C3orf70: variants seen among roughly 807,000 people sequenced by gnomAD.
The protein encoded by C3orf70 is chromosome 3 open reading frame 70, also known as UPF0524 protein C3orf70.
In C3orf70, 15 loss-of-function variants were observed where a neutral mutation model predicts 20.7. The ratio of observed to expected loss-of-function variants is 0.72; its 90% CI spans 0.48 to 1.11. C3orf70 has a LOEUF of 1.11. Ranked by LOEUF, C3orf70 falls within the 50% of genes most tolerant of loss-of-function variation. The pLI is 0.00. For missense variants in C3orf70, 332 were observed against 317.6 expected, an observed-to-expected ratio of 1.05 and a Z score of -0.34; for synonymous variants, 161 against 125.7, an observed-to-expected ratio of 1.28 and a Z score of -1.88.
intron 1 of C3orf70, among the ~76,000 whole-genome samples, chr3:185,100,755 G>A (rs1450573118): frequency 1.3e-5 from 2 of 150,014 alleles, no homozygotes; most frequent in Non-Finnish European, 2.9e-5. Flanking sequence ...TCCTGGAGTT[G>A]GTTTTTTGAA....
In C3orf70 at chr3:185,077,418, G is replaced by A. The variant is rs1577313236; in HGVS notation, c.*5589C>T. 6.6e-6 allele frequency among the ~76,000 whole-genome samples: 1 copy of A among 152,310 alleles called. No individual in the cohort carries two copies. Among genetic ancestry groups the A allele is most frequent in the East Asian group, 1.9e-4 (1 of 5,190 alleles). ...GAGCTCTTTTCCTGATCTGTGAAAT[G>A]GGGCTGCTTTAATCTCCCTCACAGG... On this transcript the variant is annotated 3_prime_UTR_variant, in exon 2 of 2. Transcript: ENST00000335012.
At chr3:185,102,914 A>G (rs1715850357) in intron 1 of C3orf70, among the ~76,000 whole-genome samples, 1 of 152,202 alleles carries the variant, frequency 6.6e-6, no homozygotes, top group Non-Finnish European at 1.5e-5. Flanking sequence ...CAAGATAGAT[A>G]AAAGACTTAA....
intron 1 of C3orf70, among the ~76,000 whole-genome samples, chr3:185,120,033 A>AAAAAAAAAAAAAAGAAAAAGAAAG (rs55921240): frequency 2.6e-3 from 261 of 100,670 alleles, no homozygotes; most frequent in Non-Finnish European, 3.4e-3. Flanking sequence ...AAAAAAAAAA[A>AAAAAAAAAAAAAAGAAAAAGAAAG]AAAAAGAAAA....
At position 185,083,003 on chromosome 3, in the gene C3orf70, A is replaced by T; in HGVS notation, c.*4T>A. The T allele has an allele frequency of 6.2e-7, 1 of 1,610,304 alleles. No homozygotes were observed. Reference sequence around the variant, plus strand: ...TCCGAGGCTGTGGCTTCCTGTCTGGACTCTCACACAGTCGTTTCTATCGTT... The same window carrying T: ...TCCGAGGCTGTGGCTTCCTGTCTGGTCTCTCACACAGTCGTTTCTATCGTT... On this transcript the variant is annotated 3_prime_UTR_variant, in exon 2 of 2. Coordinates refer to ENST00000335012, the MANE Select transcript of C3orf70 (RefSeq NM_001025266.3).
intron 1 of C3orf70, among the ~76,000 whole-genome samples, chr3:185,098,953 G>GACTT: frequency 6.6e-6 from 1 of 152,150 alleles, no homozygotes; most frequent in East Asian, 1.9e-4. Context: ...TGCAGATTTG[G>GACTT]ACTTACCAGT....
In C3orf70 at chr3:185,076,859, A is replaced by G. The variant is rs560939815; in HGVS notation, c.*6148T>C. On this transcript the variant is annotated 3_prime_UTR_variant, in exon 2 of 2. Coordinates refer to ENST00000335012, the MANE Select transcript of C3orf70 (RefSeq NM_001025266.3). Reference sequence around the variant, plus strand: ...AGGATGAGATGCTAAATTAAAGTTTATTGCAGAATAAAAGTGTGTGCAGTC... The same window carrying G: ...AGGATGAGATGCTAAATTAAAGTTTGTTGCAGAATAAAAGTGTGTGCAGTC... 1.6e-4 allele frequency among the ~76,000 whole-genome samples: 24 copies of G among 152,350 alleles called. No homozygotes were observed. The South Asian group carries it at 3.1e-3, about 20-fold the overall frequency.
At chr3:185,088,792 G>A (rs546502153) in intron 1 of C3orf70, among the ~76,000 whole-genome samples, 1 of 152,150 alleles carries the variant, frequency 6.6e-6, no homozygotes, top group Non-Finnish European at 1.5e-5. Context: ...GGTGGCTCTT[G>A]TCTGCAACAA....
chr3:185,139,945 C>T (rs1384145665), intron 1 of C3orf70, among the ~76,000 whole-genome samples: 1 of 152,090 alleles, frequency 6.6e-6, no homozygotes, highest in Non-Finnish European at 1.5e-5. Context: ...AAAGCACAAT[C>T]CATAAAAGGA....
chr3:185,139,238 C>T lies in C3orf70; in HGVS notation c.196+13390G>A, dbSNP rs150056247. Among the ~76,000 whole-genome samples, 49 of 151,598 alleles carry T rather than the reference C, an allele frequency of 3.2e-4. 1 individual carries two copies. The East Asian group carries it at 8.1e-3, about 25-fold the overall frequency. On this transcript the variant is annotated intron_variant, in intron 1 of 1. Transcript: ENST00000335012. ...GGGGCAAGAAAGAAGACAATGACGA[C>T]GAGAGAAAAAGTGGGAAAAAATCAG...
chr3:185,080,347 G>A lies in C3orf70; in HGVS notation c.*2660C>T, dbSNP rs1577314552. The A allele has an allele frequency of 6.6e-6, 1 of 152,622 alleles. No homozygotes were observed. Among genetic ancestry groups the A allele is most frequent in the Non-Finnish European group, 1.5e-5 (1 of 68,038 alleles). 9.5% of individuals were successfully genotyped at this position (152,622 alleles called of 1,614,324 possible). On this transcript the variant is annotated 3_prime_UTR_variant, in exon 2 of 2. Transcript: ENST00000335012. ...GGCAGTTCAGGAGTCTAAAAAAACAGGAACCTAGACAGAAGTCTTAGATGG... is the reference window on the plus strand; with the variant it reads ...GGCAGTTCAGGAGTCTAAAAAAACAAGAACCTAGACAGAAGTCTTAGATGG...
chr3:185,122,236 A>G (rs1716317982), intron 1 of C3orf70, among the ~76,000 whole-genome samples: 1 of 152,200 alleles, frequency 6.6e-6, no homozygotes, highest in Non-Finnish European at 1.5e-5. Flanking sequence ...AAAGAAAGAC[A>G]TTACATAATG....
Position 185,152,620 on chromosome 3 carries a change from C to G in C3orf70, c.196+8G>C, listed in dbSNP as rs374601081. 1 of 1,548,568 alleles carries G rather than the reference C, an allele frequency of 6.5e-7. No homozygotes were observed. Among genetic ancestry groups the G allele is most frequent in the South Asian group, 1.2e-5 (1 of 84,470 alleles). ...CGGCGGAAGGCGGGAAGACGCGGCT[C>G]GACTTACAGTGACACCATCCTAGGT... On this transcript the variant is annotated splice_region_variant and intron_variant, in intron 1 of 1. Transcript: ENST00000335012.
chr3:185,147,118 G>T (rs1716893017), intron 1 of C3orf70, among the ~76,000 whole-genome samples: 1 of 152,186 alleles, frequency 6.6e-6, no homozygotes, highest in Non-Finnish European at 1.5e-5. Flanking sequence ...ACCTTTTGCT[G>T]TGACAGTCTT....
Position 185,082,905 on chromosome 3 carries a change from G to T in C3orf70, c.*102C>A. ...CTACGGTTGTTGGTTGGAGCGGGGC[G>T]GGGTGGGTAGAAAATATCAACAGCA... On this transcript the variant is annotated 3_prime_UTR_variant, in exon 2 of 2. Transcript: ENST00000335012. 1 of 1,178,452 alleles carries T rather than the reference G, an allele frequency of 8.5e-7. No individual in the cohort carries two copies. Among genetic ancestry groups the T allele is most frequent in the Non-Finnish European group, 1.2e-6 (1 of 822,720 alleles). 73.0% of individuals were successfully genotyped at this position (1,178,452 alleles called of 1,614,324 possible).
At chr3:185,092,964 C>T (rs1715622587) in intron 1 of C3orf70, among the ~76,000 whole-genome samples, 1 of 149,548 alleles carries the variant, frequency 6.7e-6, no homozygotes, top group East Asian at 2.0e-4. Flanking sequence ...GCACTCTAGC[C>T]TGGCGACAAA....
intron 1 of C3orf70, among the ~76,000 whole-genome samples, chr3:185,118,537 T>G (rs1716228995): frequency 6.6e-6 from 1 of 152,178 alleles, no homozygotes; most frequent in Non-Finnish European, 1.5e-5. Flanking sequence ...TGAACACATA[T>G]GAATATACAC....
chr3:185,144,092 T>C (rs1716809429), intron 1 of C3orf70, among the ~76,000 whole-genome samples: 1 of 152,064 alleles, frequency 6.6e-6, no homozygotes, highest in African/African-American at 2.4e-5. Context: ...ATTCAAAACA[T>C]GTATTTTTAT....
intron 1 of C3orf70, among the ~76,000 whole-genome samples, chr3:185,116,104 A>G (rs895955289): frequency 1.3e-5 from 2 of 152,236 alleles, no homozygotes; most frequent in Non-Finnish European, 2.9e-5. Context: ...TTGGAAGCCC[A>G]TATGCTAGCA....
Position 185,152,904 on chromosome 3 carries a change from G to C in C3orf70, c.-81C>G. 1.6e-6 allele frequency: 2 copies of C among 1,290,140 alleles called. No individual in the cohort carries two copies. Among genetic ancestry groups the C allele is most frequent in the South Asian group, 1.7e-5 (1 of 59,396 alleles). 79.9% of individuals were successfully genotyped at this position (1,290,140 alleles called of 1,614,324 possible). A position where few individuals can be genotyped will look rare whatever the true frequency, so the allele number is the denominator to read the frequency against. ...GTGGGCAGGAAGCCGAGCCGGCTGC[G>C]GACGCGGGAGGGCGCGGCACGGGCC... On this transcript the variant is annotated 5_prime_UTR_variant, in exon 1 of 2. Transcript: ENST00000335012.
Sources: allele counts gnomAD v4.1 joint callset (sites outside exome capture counted in the v4.1 genomes callset), GRCh38; gene constraint gnomAD v4.1.1; transcripts MANE v1.5; gene names NCBI Gene and HGNC (gene_info 2026-07-23, HGNC 2026-07-21).